Variants in SCHIP1 observed in about 807,000 individuals in gnomAD.
SCHIP1 encodes schwannomin-interacting protein 1.
In SCHIP1, 8 loss-of-function variants were observed where a neutral mutation model predicts 29.7. The observed-to-expected ratio is 0.27, with a 90% CI of 0.16 to 0.49. The LOEUF is 0.49. SCHIP1 is among the 20% of genes least tolerant of loss of function. SCHIP1 has a pLI of 0.99. For missense variants in SCHIP1, 193 were observed against 294.6 expected (o/e 0.66, Z 2.52); for synonymous variants, 76 against 94.9 (o/e 0.80, Z 1.16).
the SCHIP1 span, among the ~76,000 whole-genome samples, chr3:159,815,503 G>A: frequency 4.4e-3 from 665 of 152,268 alleles, 2 homozygotes; most frequent in Middle Eastern, 0.01. Context: ...AAAGGACGCC[G>A]AAGGTGTGTC....
At chr3:159,548,718 A>C in the SCHIP1 span, among the ~76,000 whole-genome samples, 1 of 152,004 alleles carries the variant, frequency 6.6e-6, no homozygotes, top group African/African-American at 2.4e-5. Flanking sequence ...AATTTTTTTT[A>C]GTTCTGGAAG....
the SCHIP1 span, chr3:159,275,139 G>C: frequency 1.1e-6 from 1 of 888,100 alleles, no homozygotes; most frequent in Non-Finnish European, 1.3e-6. Context: ...TGTCATCTTT[G>C]CTCAATAGAT....
chr3:159,794,613 A>T, the SCHIP1 span, among the ~76,000 whole-genome samples: 1 of 152,236 alleles, frequency 6.6e-6, no homozygotes, highest in Admixed American at 6.5e-5. Flanking sequence ...TCTAGTGGTC[A>T]GTATACTTGT....
At chr3:159,339,564 C>T in the SCHIP1 span, among the ~76,000 whole-genome samples, 4 of 152,148 alleles carry the variant, frequency 2.6e-5, no homozygotes, top group Non-Finnish European at 5.9e-5. Flanking sequence ...AACTGCATTT[C>T]AGGCAGCAGC....
chr3:159,293,185 A>G, the SCHIP1 span, among the ~76,000 whole-genome samples: 1 of 152,234 alleles, frequency 6.6e-6, no homozygotes, highest in African/African-American at 2.4e-5. Context: ...TGGTAAATGG[A>G]TGCAATAGAG....
At chr3:159,555,807 G>C in the SCHIP1 span, among the ~76,000 whole-genome samples, 1 of 152,146 alleles carries the variant, frequency 6.6e-6, no homozygotes, top group East Asian at 1.9e-4. Context: ...TATGGTGACT[G>C]TGTTTTCCAA....
the SCHIP1 span, among the ~76,000 whole-genome samples, chr3:159,314,182 G>A: frequency 1.3e-5 from 2 of 152,182 alleles, no homozygotes; most frequent in Non-Finnish European, 2.9e-5. Context: ...TAGGTTCTGA[G>A]TAGTTGCTGG....
chr3:159,343,931 A>T, the SCHIP1 span, among the ~76,000 whole-genome samples: 1 of 152,214 alleles, frequency 6.6e-6, no homozygotes, highest in African/African-American at 2.4e-5. Flanking sequence ...AGTAATTTTT[A>T]AATTAAAAAA....
chr3:159,504,044 C>T, the SCHIP1 span, among the ~76,000 whole-genome samples: 2 of 152,154 alleles, frequency 1.3e-5, no homozygotes, highest in Non-Finnish European at 2.9e-5. Flanking sequence ...TGGCCAGAGG[C>T]TGTTAAGTAT....
At chr3:159,750,308 C>T in the SCHIP1 span, among the ~76,000 whole-genome samples, 4 of 147,812 alleles carry the variant, frequency 2.7e-5, no homozygotes, top group African/African-American at 7.6e-5. Context: ...CACACACACA[C>T]ACACACACAC....
At chr3:159,580,193 T>G in the SCHIP1 span, among the ~76,000 whole-genome samples, 1 of 152,198 alleles carries the variant, frequency 6.6e-6, no homozygotes, top group Non-Finnish European at 1.5e-5. Flanking sequence ...GTCTATGTAT[T>G]CATCCATCCA....
the SCHIP1 span, among the ~76,000 whole-genome samples, chr3:159,795,787 G>A: frequency 1.2e-4 from 18 of 152,298 alleles, no homozygotes; most frequent in African/African-American, 4.3e-4. Context: ...AAATTATGGA[G>A]ACAAGGAAGA....
chr3:159,584,192 T>G, the SCHIP1 span, among the ~76,000 whole-genome samples: 1 of 152,206 alleles, frequency 6.6e-6, no homozygotes, highest in Non-Finnish European at 1.5e-5. Flanking sequence ...AAAACCCTTT[T>G]GTTATTTAGA....
chr3:159,843,822 C>CAA (rs1161141544), intron 1 of SCHIP1, among the ~76,000 whole-genome samples: 131 of 39,238 alleles, frequency 3.3e-3, no homozygotes, highest in Non-Finnish European at 3.8e-3. Context: ...GACTCTGTCT[C>CAA]AAAAAAAAAA....
At chr3:159,476,387 A>G in the SCHIP1 span, among the ~76,000 whole-genome samples, 33 of 152,170 alleles carry the variant, frequency 2.2e-4, no homozygotes, top group Non-Finnish European at 4.0e-4. Flanking sequence ...TATTTATTCT[A>G]TAATGTCTTA....
the SCHIP1 span, among the ~76,000 whole-genome samples, chr3:159,824,081 G>A: frequency 1.3e-5 from 2 of 152,048 alleles, no homozygotes; most frequent in Non-Finnish European, 2.9e-5. Context: ...CCCTATGAAC[G>A]CCCAACCTTT....
chr3:159,474,655 A>T, the SCHIP1 span, among the ~76,000 whole-genome samples: 1 of 152,166 alleles, frequency 6.6e-6, no homozygotes, highest in Non-Finnish European at 1.5e-5. Context: ...GACAGGTAAC[A>T]TAAAGGAGTG....
At chr3:159,298,583 A>T in the SCHIP1 span, among the ~76,000 whole-genome samples, 1 of 152,182 alleles carries the variant, frequency 6.6e-6, no homozygotes, top group Non-Finnish European at 1.5e-5. Flanking sequence ...ATGCTGATAG[A>T]ATAATATAAT....
chr3:159,368,750 G>A, the SCHIP1 span, among the ~76,000 whole-genome samples: 6 of 152,252 alleles, frequency 3.9e-5, no homozygotes, highest in South Asian at 2.1e-4. Context: ...GAAATGATGC[G>A]GCTCAGTTTT....
Sources: gnomAD v4.1 joint callset for allele counts (sites outside exome capture counted in the v4.1 genomes callset) on GRCh38, gnomAD v4.1.1 for gene constraint, MANE v1.5 for transcripts, NCBI Gene and HGNC (gene_info 2026-07-23, HGNC 2026-07-21) for gene names.